The following AP4E1 variants were observed in gnomAD, a reference collection of about 807,000 sequenced individuals.
The protein encoded by AP4E1 is adaptor related protein complex 4 subunit epsilon 1.
In AP4E1, 56 loss-of-function variants were observed where a neutral mutation model predicts 128.2. The observed-to-expected ratio is 0.44, with a 90% CI of 0.35 to 0.55. The LOEUF (loss-of-function observed/expected upper bound fraction) is 0.55. AP4E1 is among the 20% of genes least tolerant of loss of function. The probability of loss-of-function intolerance (pLI) is 0.00; values close to 1 mark genes in which losing one functional copy is unlikely to be tolerated. For synonymous variants in AP4E1, 484 were observed against 473.1 expected (o/e 1.02, Z -0.30); for missense variants, 1,324 against 1,307.7 (o/e 1.01, Z -0.19).
chr15:50,944,155 G>A (rs76253543), intron 10 of AP4E1, among the ~76,000 whole-genome samples: 7,011 of 152,196 alleles, frequency 0.046, 531 homozygotes, highest in African/African-American at 0.16. Flanking sequence ...TATCCTTGGT[G>A]CCCAAAGATG....
Position 50,997,447 on chromosome 15 carries a change from A to G in AP4E1, c.2468A>G (p.Asn823Ser), listed in dbSNP as rs2140934482. The G allele has an allele frequency of 6.2e-7, 1 of 1,613,910 alleles. No homozygotes were observed. The highest frequency in any genetic ancestry group is 8.5e-7 in the Non-Finnish European group (1 of 1,179,908). ...TGTTCTTCCTTTAGTTCTTTGTCAAATGTGGCATATGAAGATGATTATTAT... is the reference window on the plus strand; with the variant it reads ...TGTTCTTCCTTTAGTTCTTTGTCAAGTGTGGCATATGAAGATGATTATTAT... The part of the protein sequence containing the change: ...MTCSSFSSLS[N>S]VAYEDDYYSN... Residue 823 changes from asparagine (N) to serine (S), a missense_variant, in exon 18 of 21, where the codon AAT becomes AGT. Asn to Ser is a conservative substitution (Grantham distance 46). Coordinates refer to ENST00000261842, the MANE Select transcript of AP4E1 (RefSeq NM_007347.5).
intron 1 of AP4E1, 88 bp from the exon 2 acceptor site, chr15:50,911,990 T>A (rs1451829642): frequency 2.0e-6 from 2 of 994,640 alleles, no homozygotes; most frequent in South Asian, 1.4e-5. Context: ...ATTAAAAGTA[T>A]TGTAAATTAT....
At chr15:50,979,994 G>A (rs2064619014) in intron 15 of AP4E1, among the ~76,000 whole-genome samples, 1 of 152,308 alleles carries the variant, frequency 6.6e-6, no homozygotes, top group Non-Finnish European at 1.5e-5. Context: ...AGCAGGCTAG[G>A]AAAATCTTAG....
rs751851194 is a variant in AP4E1, at chr15:50,912,134, T to C, written c.207T>C (p.Ala69=). 1 of 1,613,996 alleles carries C rather than the reference T, an allele frequency of 6.2e-7. No homozygotes were observed. Among genetic ancestry groups the C allele is most frequent in the Non-Finnish European group, 8.5e-7 (1 of 1,179,988 alleles). Residue 69 remains alanine (A), a synonymous_variant, in exon 2 of 21, where the codon GCT becomes GCC. Transcript: ENST00000261842. ...ELSSLKATVS[A]PTTTLKMMKE... Reference sequence around the variant, plus strand: ...GTAGTCTGAAAGCGACTGTTTCTGCTCCTACTACAACACTGGTAGGTTTGC... The same window carrying C: ...GTAGTCTGAAAGCGACTGTTTCTGCCCCTACTACAACACTGGTAGGTTTGC...
At chr15:50,947,132 C>T (rs1337738878) in intron 10 of AP4E1, among the ~76,000 whole-genome samples, 1 of 151,554 alleles carries the variant, frequency 6.6e-6, no homozygotes, top group Non-Finnish European at 1.5e-5. Flanking sequence ...AAAGTAGCTA[C>T]AGGCCAGGCA....
chr15:50,956,303 A>G (rs1344555128), intron 13 of AP4E1, among the ~76,000 whole-genome samples: 1 of 152,094 alleles, frequency 6.6e-6, no homozygotes, highest in African/African-American at 2.4e-5. Flanking sequence ...ATTTAGTCCT[A>G]TTTCTTTTTC....
chr15:50,930,671 T>C, intron 6 of AP4E1, 134 bp from the exon 7 acceptor site: 1 of 882,424 alleles, frequency 1.1e-6, no homozygotes, highest in Non-Finnish European at 1.8e-6. Flanking sequence ...ATTATACATA[T>C]TAGAGCACTG....
intron 13 of AP4E1, among the ~76,000 whole-genome samples, chr15:50,957,021 G>C (rs972625605): frequency 6.6e-6 from 1 of 152,146 alleles, no homozygotes; most frequent in Admixed American, 6.5e-5. Context: ...AGCATCTAGT[G>C]GGGAGTACCC....
rs2140943836 is a variant in AP4E1, at chr15:51,004,890, T to G, written c.*2228T>G. The G allele has an allele frequency of 7.0e-6, 1 of 142,232 alleles. No homozygotes were observed. The highest frequency in any genetic ancestry group is 2.7e-5 in the African/African-American group (1 of 37,322). The allele number at this position is 142,232 out of a possible 1,614,324, so 8.8% of individuals were successfully genotyped here. On this transcript the variant is annotated 3_prime_UTR_variant, in exon 21 of 21. Coordinates refer to ENST00000261842, the MANE Select transcript of AP4E1 (RefSeq NM_007347.5). ...GGAGATGTGACTGTAAAGTAGGGAG[T>G]TTTTTTTTTTGAGACAGAGTTTCAC...
chr15:50,970,090 C>G (rs530612206), intron 15 of AP4E1, among the ~76,000 whole-genome samples: 1 of 152,134 alleles, frequency 6.6e-6, no homozygotes, highest in African/African-American at 2.4e-5. Flanking sequence ...CTATTCTTCC[C>G]TTACCCCTAC....
At chr15:50,975,069 G>T (rs2064533276) in intron 15 of AP4E1, among the ~76,000 whole-genome samples, 1 of 151,886 alleles carries the variant, frequency 6.6e-6, no homozygotes, top group East Asian at 1.9e-4. Context: ...CTGTATTTTT[G>T]GTGTCATATC....
chr15:50,968,817 G>A (rs1170532958), intron 15 of AP4E1, among the ~76,000 whole-genome samples: 3 of 146,142 alleles, frequency 2.1e-5, no homozygotes, highest in African/African-American at 7.6e-5. Flanking sequence ...TAGTAGAGAT[G>A]GGGTTTCAAA....
At chr15:50,997,184 C>T in intron 17 of AP4E1, 142 bp from the exon 18 acceptor site, 1 of 707,836 alleles carries the variant, frequency 1.4e-6, no homozygotes, top group South Asian at 2.9e-5. Flanking sequence ...TGTTATTTAT[C>T]TCTGATTCTT....
chr15:50,950,660 G>T (rs1266232603), intron 13 of AP4E1, among the ~76,000 whole-genome samples: 1 of 151,852 alleles, frequency 6.6e-6, no homozygotes, highest in African/African-American at 2.4e-5. Context: ...GGATGTGTAG[G>T]TTTGTTACAT....
Position 50,958,739 on chromosome 15 carries a change from A to T in AP4E1, c.1796A>T (p.Asn599Ile), listed in dbSNP as rs772880468. ...TTTGAATTAAAACATTTGCATGAGA[A>T]TGTGGAACTTATGAAGAGCTTGCTT... ...HAFELKHLHE[N>I]VELMKSLLPV... The change falls in exon 14 of 21, where the codon AAT becomes ATT. Residue 599 changes from asparagine to isoleucine, a missense_variant. Coordinates refer to ENST00000261842, the MANE Select transcript of AP4E1 (RefSeq NM_007347.5). 4 of 1,614,188 alleles carry T rather than the reference A, an allele frequency of 2.5e-6. No homozygotes were observed. Among genetic ancestry groups the T allele is most frequent in the East Asian group, 4.5e-5 (2 of 44,868 alleles).
Position 50,908,921 on chromosome 15 carries a change from C to T in AP4E1, c.143C>T (p.Ser48Phe). 2 of 1,611,048 alleles carry T rather than the reference C, an allele frequency of 1.2e-6. No individual in the cohort carries two copies. The highest frequency in any genetic ancestry group is 1.7e-6 in the Non-Finnish European group (2 of 1,179,498). The change falls in exon 1 of 21, where the codon TCC becomes TTC. Residue 48 changes from serine to phenylalanine, a missense_variant. Physicochemically the swap from Ser to Phe is radical, Grantham distance 155 (BLOSUM62 -2). Transcript: ENST00000261842. ...SLVRGITALT[S>F]KHEEEKLIQQ... ...GTCCGCGGCATCACAGCCCTCACCT[C>T]CAAGCACGTAGGTGCCCGCCGGCCC...
At chr15:50,945,712 C>T (rs1287738072) in intron 10 of AP4E1, 7 of 784,428 alleles carry the variant, frequency 8.9e-6, no homozygotes, top group Non-Finnish European at 1.4e-5. Context: ...GAACATTTGC[C>T]TGTGGAAAGC....
At chr15:50,955,712 G>C (rs1366717403) in intron 13 of AP4E1, among the ~76,000 whole-genome samples, 1 of 152,190 alleles carries the variant, frequency 6.6e-6, no homozygotes, top group Non-Finnish European at 1.5e-5. Flanking sequence ...TGAGGTGCAG[G>C]CTCCCTGCCT....
intron 10 of AP4E1, chr15:50,945,587 T>C: frequency 1.3e-6 from 1 of 748,050 alleles, no homozygotes; most frequent in Non-Finnish European, 2.5e-6. Flanking sequence ...ATTTGTATCT[T>C]TCCTATAGAC....
Sources: gnomAD v4.1 joint callset for allele counts (sites outside exome capture counted in the v4.1 genomes callset) on GRCh38, gnomAD v4.1.1 for gene constraint, MANE v1.5 for transcripts, NCBI Gene and HGNC (gene_info 2026-07-23, HGNC 2026-07-21) for gene names.